Variants in PTPRD observed in about 807,000 individuals in gnomAD.
The protein encoded by PTPRD is receptor-type tyrosine-protein phosphatase delta.
Under a neutral mutation model 214.5 loss-of-function variants are expected in PTPRD, and 34 were observed. The observed-to-expected ratio is 0.16, with a 90% CI of 0.12 to 0.21. PTPRD has a LOEUF of 0.21. Ranked by LOEUF, PTPRD falls within the 10% of genes least tolerant of loss-of-function variation. PTPRD has a pLI of 1.00. For synonymous variants in PTPRD, 1,128 were observed against 845.7 expected, an observed-to-expected ratio of 1.33 and a Z score of -5.79; for missense variants, 2,545 against 2,398.7, an observed-to-expected ratio of 1.06 and a Z score of -1.27.
intron 11 of PTPRD, among the ~76,000 whole-genome samples, chr9:8,880,619 C>CT (rs200724260): frequency 4.0e-5 from 6 of 151,866 alleles, no homozygotes; most frequent in East Asian, 1.9e-4. Context: ...TATACTGCAC[C>CT]TTTTTTTTCC....
intron 3 of PTPRD, among the ~76,000 whole-genome samples, chr9:10,312,833 G>C (rs982387055): frequency 2.0e-5 from 3 of 150,840 alleles, no homozygotes; most frequent in Admixed American, 1.3e-4. Flanking sequence ...AAGTTCAGGA[G>C]CAAATGTGAA....
At chr9:10,135,899 G>C (rs941062113) in intron 3 of PTPRD, among the ~76,000 whole-genome samples, 1 of 150,168 alleles carries the variant, frequency 6.7e-6, no homozygotes, top group Non-Finnish European at 1.5e-5. Flanking sequence ...TGATGGAAAT[G>C]ATCTAAAAAC....
intron 2 of PTPRD, among the ~76,000 whole-genome samples, chr9:10,582,160 G>A (rs1339046761): frequency 6.6e-6 from 1 of 152,102 alleles, no homozygotes; most frequent in East Asian, 1.9e-4. Context: ...ATTAGAGTTA[G>A]AATATAGCTC....
chr9:10,090,386 C>T (rs1444911866), intron 3 of PTPRD, among the ~76,000 whole-genome samples: 1 of 151,320 alleles, frequency 6.6e-6, no homozygotes, highest in Non-Finnish European at 1.5e-5. Flanking sequence ...TTATTCAGGT[C>T]TCAAACACTG....
chr9:10,172,838 A>G (rs2099218859), intron 3 of PTPRD, among the ~76,000 whole-genome samples: 1 of 152,214 alleles, frequency 6.6e-6, no homozygotes, highest in Non-Finnish European at 1.5e-5. Flanking sequence ...ATAAACTGAA[A>G]TGTATATGGA....
rs1216286367 is a variant in PTPRD at position 8,316,353 on chromosome 9, T to G, written c.*1521A>C. On this transcript the variant is annotated 3_prime_UTR_variant, in exon 46 of 46. Transcript: ENST00000381196. ...GGCATCAATTATAAGGCACTCTAAA[T>G]GCAAAACTAAAACCAAAACGAAACA... 4.3e-6 allele frequency: 1 copy of G among 231,466 alleles called. No homozygotes were observed. The highest frequency in any genetic ancestry group is 8.6e-6 in the Non-Finnish European group (1 of 116,762). The allele number at this position is 231,466 out of a possible 1,614,324, so 14.3% of individuals were successfully genotyped here.
chr9:10,597,613 C>T (rs368405980), intron 2 of PTPRD, among the ~76,000 whole-genome samples: 5 of 151,818 alleles, frequency 3.3e-5, no homozygotes, highest in Non-Finnish European at 2.9e-5. Flanking sequence ...TTTTAATTAA[C>T]GCATTCTGCA....
rs34284610 is a variant in PTPRD, at chr9:10,410,253, G to GTATA, written c.-599-69240_-599-69237dup. On this transcript the variant is annotated intron_variant, in intron 2 of 45. Transcript: ENST00000381196. Reference sequence around the variant, plus strand: ...AGGTAATTAACTGGACATATTTTGTGTATATATATATATATATACACACAC... The same window carrying GTATA: ...AGGTAATTAACTGGACATATTTTGTGTATATATATATATATATATATACACACAC... 6.3e-3 allele frequency among the ~76,000 whole-genome samples: 805 copies of GTATA among 127,098 alleles called. 7 individuals are homozygous for GTATA. The highest frequency in any genetic ancestry group is 0.017 in the African/African-American group (642 of 36,762). The allele number at this position is 127,098 out of a possible 152,430, so 83.4% of individuals were successfully genotyped here.
At chr9:9,447,919 A>G (rs1190349135) in intron 8 of PTPRD, among the ~76,000 whole-genome samples, 1 of 152,092 alleles carries the variant, frequency 6.6e-6, no homozygotes, top group African/African-American at 2.4e-5. Context: ...TGAGTGATGA[A>G]AGATCAAGGA....
At chr9:9,093,672 G>A (rs972151637) in intron 10 of PTPRD, among the ~76,000 whole-genome samples, 11 of 151,486 alleles carry the variant, frequency 7.3e-5, no homozygotes, top group Admixed American at 6.6e-5. Context: ...ATTTGGGCGG[G>A]GGGGCGGATG....
At chr9:9,941,661 G>A (rs2091482366) in intron 4 of PTPRD, among the ~76,000 whole-genome samples, 1 of 152,170 alleles carries the variant, frequency 6.6e-6, no homozygotes, top group Admixed American at 6.5e-5. Context: ...ACAATGTAAG[G>A]AAAGGGTTCA....
At chr9:8,767,015 C>T (rs117408668) in intron 11 of PTPRD, among the ~76,000 whole-genome samples, 1 of 152,260 alleles carries the variant, frequency 6.6e-6, no homozygotes, top group East Asian at 1.9e-4. Context: ...ATATTTCTGA[C>T]CCTAAGCTTT....
intron 3 of PTPRD, among the ~76,000 whole-genome samples, chr9:10,064,257 C>T (rs2097836701): frequency 6.6e-6 from 1 of 151,854 alleles, no homozygotes; most frequent in Non-Finnish European, 1.5e-5. Flanking sequence ...AGGGGCATGA[C>T]AATGCTGTAT....
chr9:9,996,799 G>T (rs1255945563), intron 4 of PTPRD, among the ~76,000 whole-genome samples: 1 of 152,094 alleles, frequency 6.6e-6, no homozygotes. Flanking sequence ...ATCCAGGAAG[G>T]TTACTAAAGA....
intron 11 of PTPRD, among the ~76,000 whole-genome samples, chr9:8,857,343 G>C (rs911553014): frequency 6.6e-6 from 1 of 152,206 alleles, no homozygotes; most frequent in Non-Finnish European, 1.5e-5. Flanking sequence ...CCTAGGAGGA[G>C]AGAGCGGGGG....
chr9:9,283,574 T>A (rs1355291319), intron 9 of PTPRD, among the ~76,000 whole-genome samples: 1 of 151,570 alleles, frequency 6.6e-6, no homozygotes, highest in Non-Finnish European at 1.5e-5. Context: ...ATGACAGTGT[T>A]CCTCAAAGCT....
At chr9:8,356,598 G>T (rs1279654100) in intron 39 of PTPRD, among the ~76,000 whole-genome samples, 1 of 152,128 alleles carries the variant, frequency 6.6e-6, no homozygotes, top group Non-Finnish European at 1.5e-5. Flanking sequence ...CAGCTATTAG[G>T]TTATAAAAAT....
At chr9:9,708,587 C>A (rs766834845) in intron 7 of PTPRD, among the ~76,000 whole-genome samples, 8 of 151,832 alleles carry the variant, frequency 5.3e-5, no homozygotes, top group Non-Finnish European at 7.4e-5. Flanking sequence ...GAGGACAACC[C>A]GATTTCAAAG....
intron 2 of PTPRD, among the ~76,000 whole-genome samples, chr9:10,562,909 T>A (rs1002056931): frequency 3.3e-5 from 5 of 152,294 alleles, no homozygotes; most frequent in African/African-American, 1.2e-4. Flanking sequence ...AAGCCATATA[T>A]AGATACCCAG....
Sources: gnomAD v4.1 joint callset for allele counts (sites outside exome capture counted in the v4.1 genomes callset) on GRCh38, gnomAD v4.1.1 for gene constraint, MANE v1.5 for transcripts, NCBI Gene and HGNC (gene_info 2026-07-23, HGNC 2026-07-21) for gene names.